The following KLHL29 variants were observed in gnomAD, a reference collection of about 807,000 sequenced individuals.
KLHL29 encodes kelch like family member 29.
A neutral mutation model predicts 80.4 loss-of-function variants in KLHL29; 21 were observed. The ratio of observed to expected loss-of-function variants is 0.26; its 90% confidence interval spans 0.19 to 0.38. The LOEUF is 0.38. Among genes scored for constraint, KLHL29 ranks in the 10% least tolerant of loss-of-function variants. KLHL29 has a pLI of 1.00. For missense variants in KLHL29, 867 were observed against 1,223.9 expected, an observed-to-expected ratio of 0.71 and a Z score of 4.35; for synonymous variants, 511 against 526.8, an observed-to-expected ratio of 0.97 and a Z score of 0.41.
rs531538671 is a variant in KLHL29 at position 23,671,321 on chromosome 2, T to C, written c.941-13078T>C. Among the ~76,000 whole-genome samples the C allele has an allele frequency of 2.0e-5, 3 of 152,104 alleles. No homozygotes were observed. In the East Asian group the frequency reaches 5.8e-4, roughly 30 times the overall value. On this transcript the variant is annotated intron_variant, in intron 5 of 13. Transcript: ENST00000486442. ...TTGTGGCTCTCTGCTGCCTGCCCCA[T>C]GCCCAGTTCTCTCTGCGTCTCTTTC...
At chr2:23,417,075 C>G (rs2103398890) in intron 1 of KLHL29, among the ~76,000 whole-genome samples, 1 of 152,274 alleles carries the variant, frequency 6.6e-6, no homozygotes, top group Non-Finnish European at 1.5e-5. Flanking sequence ...TTCCTTCCAC[C>G]CCCAACATAG....
At chr2:23,521,757 C>T (rs914182902) in intron 2 of KLHL29, among the ~76,000 whole-genome samples, 1 of 152,204 alleles carries the variant, frequency 6.6e-6, no homozygotes, top group African/African-American at 2.4e-5. Context: ...AGATGGTAAA[C>T]ATCAGAGCCA....
At chr2:23,422,702 T>C (rs1416924509) in intron 1 of KLHL29, among the ~76,000 whole-genome samples, 1 of 151,134 alleles carries the variant, frequency 6.6e-6, no homozygotes, top group African/African-American at 2.4e-5. Context: ...CTGGGTGTCA[T>C]GCGGTCCGCC....
intron 3 of KLHL29, among the ~76,000 whole-genome samples, chr2:23,618,723 T>C (rs1359434409): frequency 6.6e-6 from 1 of 152,218 alleles, no homozygotes; most frequent in Non-Finnish European, 1.5e-5. Flanking sequence ...ATAATTTCTA[T>C]GCTATTAGTT....
chr2:23,629,062 C>T (rs1171567218), intron 3 of KLHL29, among the ~76,000 whole-genome samples: 2 of 152,210 alleles, frequency 1.3e-5, no homozygotes, highest in East Asian at 1.9e-4. Context: ...CCGCGGTGAC[C>T]AGAAACAGGC....
intron 1 of KLHL29, among the ~76,000 whole-genome samples, chr2:23,430,173 G>A (rs939743836): frequency 6.6e-6 from 1 of 152,110 alleles, no homozygotes; most frequent in Non-Finnish European, 1.5e-5. Context: ...CCTATTCCTG[G>A]GCCTCACTTC....
At chr2:23,663,489 C>CCTATTT in intron 5 of KLHL29, among the ~76,000 whole-genome samples, 2 of 152,310 alleles carry the variant, frequency 1.3e-5, no homozygotes, top group South Asian at 4.1e-4. Flanking sequence ...GGAGGTGGCG[C>CCTATTT]GTCTGCGAGC....
chr2:23,582,257 T>C (rs1668006699), intron 3 of KLHL29, among the ~76,000 whole-genome samples: 1 of 152,232 alleles, frequency 6.6e-6, no homozygotes, highest in Non-Finnish European at 1.5e-5. Flanking sequence ...ATTAGTTTCA[T>C]TTTTTAATAT....
intron 3 of KLHL29, among the ~76,000 whole-genome samples, chr2:23,601,713 C>G (rs1421040885): frequency 2.6e-5 from 4 of 152,198 alleles, no homozygotes; most frequent in African/African-American, 9.7e-5. Flanking sequence ...GTGAGGGCAC[C>G]TTCCCCACTC....
At chr2:23,679,180 A>T (rs1010699587) in intron 5 of KLHL29, among the ~76,000 whole-genome samples, 1 of 152,240 alleles carries the variant, frequency 6.6e-6, no homozygotes, top group Non-Finnish European at 1.5e-5. Context: ...TTGCTGCTTA[A>T]CAAACAATTC....
intron 1 of KLHL29, among the ~76,000 whole-genome samples, chr2:23,426,466 A>G (rs957068439): frequency 6.6e-6 from 1 of 152,110 alleles, no homozygotes; most frequent in South Asian, 2.1e-4. Flanking sequence ...TTTCCCCTCC[A>G]GTTCTGGTTC....
At chr2:23,610,162 G>A (rs1421995707) in intron 3 of KLHL29, among the ~76,000 whole-genome samples, 2 of 152,202 alleles carry the variant, frequency 1.3e-5, no homozygotes, top group Non-Finnish European at 1.5e-5. Context: ...TCAACTGGAT[G>A]CTAGTAGTCA....
At chr2:23,655,837 G>C (rs969709323) in intron 5 of KLHL29, among the ~76,000 whole-genome samples, 1 of 151,874 alleles carries the variant, frequency 6.6e-6, no homozygotes, top group African/African-American at 2.4e-5. Flanking sequence ...AGCAGAGTGA[G>C]TGCAGTCAGT....
chr2:23,440,303 C>T lies in KLHL29; in HGVS notation c.-153-35257C>T, dbSNP rs569198157. ...TAGAAAGCTGAAACTGGATCCCTTC[C>T]TTACACCTTATACAAAAATTAATTC... On this transcript the variant is annotated intron_variant, in intron 1 of 13. Coordinates refer to ENST00000486442, the MANE Select transcript of KLHL29 (RefSeq NM_052920.2). Among the ~76,000 whole-genome samples the T allele has an allele frequency of 2.5e-3, 374 of 151,856 alleles. 1 individual carries two copies. The highest frequency in any genetic ancestry group is 8.5e-3 in the African/African-American group (354 of 41,406).
At chr2:23,574,824 G>A (rs761387783) in intron 3 of KLHL29, among the ~76,000 whole-genome samples, 3 of 152,142 alleles carry the variant, frequency 2.0e-5, no homozygotes, top group Admixed American at 6.5e-5. Flanking sequence ...GACCCACCAC[G>A]CCATTTCCTT....
rs187150540 is a variant in KLHL29 at position 23,677,716 on chromosome 2, T to G, written c.941-6683T>G. On this transcript the variant is annotated intron_variant, in intron 5 of 13. Transcript: ENST00000486442. ...TGGAGCAGCAGCGGGACGTTCTGTT[T>G]GTGTAAAGCCCCCATTTGTCCCCAC... 8.5e-5 allele frequency among the ~76,000 whole-genome samples: 13 copies of G among 152,340 alleles called. No homozygotes were observed. In the East Asian group the frequency reaches 2.3e-3, roughly 27 times the overall value.
chr2:23,463,889 G>A (rs548587485), intron 1 of KLHL29, among the ~76,000 whole-genome samples: 1 of 152,316 alleles, frequency 6.6e-6, no homozygotes, highest in South Asian at 2.1e-4. Context: ...TGTATTACCT[G>A]AAATGTGTTT....
rs1667911613 is a variant in KLHL29 at position 23,578,890 on chromosome 2, T to C, written c.285+16409T>C. Among the ~76,000 whole-genome samples, 3 of 152,224 alleles carry C rather than the reference T, an allele frequency of 2.0e-5. No homozygotes were observed. In the South Asian group the frequency reaches 6.2e-4, roughly 31 times the overall value. ...CAACAGTCTACAGATCAATTAGACA[T>C]GTATTGGCATGCATGTAGCACCTCG... On this transcript the variant is annotated intron_variant, in intron 3 of 13. Coordinates refer to ENST00000486442, the MANE Select transcript of KLHL29 (RefSeq NM_052920.2).
intron 2 of KLHL29, among the ~76,000 whole-genome samples, chr2:23,532,150 A>C (rs982167377): frequency 6.6e-6 from 1 of 152,196 alleles, no homozygotes; most frequent in African/African-American, 2.4e-5. Flanking sequence ...GAGTTACTCC[A>C]AAGAGTTAAC....
Sources: allele counts gnomAD v4.1 joint callset (sites outside exome capture counted in the v4.1 genomes callset), GRCh38; gene constraint gnomAD v4.1.1; transcripts MANE v1.5; gene names NCBI Gene and HGNC (gene_info 2026-07-23, HGNC 2026-07-21).